Variants in ACSM2A observed in about 807,000 individuals in gnomAD.
The protein encoded by ACSM2A is acyl-CoA synthetase medium chain family member 2A, also known as acyl-coenzyme A synthetase ACSM2A, mitochondrial.
Under a neutral mutation model 76.6 loss-of-function variants are expected in ACSM2A, and 72 were observed. The observed-to-expected ratio is 0.94, with a 90% CI of 0.78 to 1.14. ACSM2A has a LOEUF of 1.14. Ranked by LOEUF, ACSM2A falls within the 50% of genes most tolerant of loss-of-function variation. The pLI is 0.00. For synonymous variants in ACSM2A, 249 were observed against 255.9 expected, an observed-to-expected ratio of 0.97 and a Z score of 0.26; for missense variants, 684 against 708.5, an observed-to-expected ratio of 0.97 and a Z score of 0.39.
chr16:20,486,838 T>C lies in ACSM2A; in HGVS notation c.*160T>C. 2 of 855,950 alleles carry C rather than the reference T, an allele frequency of 2.3e-6. No homozygotes were observed. Among genetic ancestry groups the C allele is most frequent in the South Asian group, 1.8e-5 (1 of 54,492 alleles). The allele number at this position is 855,950 out of a possible 1,614,324, so 53.0% of individuals were successfully genotyped here. A position where few individuals can be genotyped will look rare whatever the true frequency, so the allele number is the denominator to read the frequency against. On this transcript the variant is annotated 3_prime_UTR_variant, in exon 14 of 14. Coordinates refer to ENST00000573854, the MANE Select transcript of ACSM2A (RefSeq NM_001308172.2). Reference sequence around the variant, plus strand: ...TAGCACAAAACTTTACCATGTTAGATGTTGAAAGAAGAAAGGGAAGGAATG... The same window carrying C: ...TAGCACAAAACTTTACCATGTTAGACGTTGAAAGAAGAAAGGGAAGGAATG...
intron 3 of ACSM2A, among the ~76,000 whole-genome samples, chr16:20,467,980 A>G (rs2013117093): frequency 6.6e-6 from 1 of 151,764 alleles, no homozygotes; most frequent in African/African-American, 2.4e-5. Context: ...TTCTGGGGAC[A>G]ATGGGCTGAG....
intron 1 of ACSM2A, among the ~76,000 whole-genome samples, chr16:20,459,109 G>A (rs1215136204): frequency 1.3e-5 from 2 of 151,508 alleles, no homozygotes; most frequent in African/African-American, 4.8e-5. Flanking sequence ...TTGGTGCAAA[G>A]GCATGAGAAT....
At chr16:20,471,822 A>G (rs1310823642) in intron 6 of ACSM2A, 133 bp downstream of exon 6, 25 of 1,461,852 alleles carry the variant, frequency 1.7e-5, no homozygotes, top group Non-Finnish European at 2.2e-5. Context: ...TGTTCAGTAA[A>G]CGAGATGGAA....
At chr16:20,458,462 T>C (rs1013614888) in intron 1 of ACSM2A, among the ~76,000 whole-genome samples, 7 of 145,866 alleles carry the variant, frequency 4.8e-5, no homozygotes, top group Non-Finnish European at 1.0e-4. Context: ...TAATATAATA[T>C]ATGGATATAG....
chr16:20,468,699 G>T (rs1567364376), intron 3 of ACSM2A, among the ~76,000 whole-genome samples: 1 of 152,116 alleles, frequency 6.6e-6, no homozygotes, highest in South Asian at 2.1e-4. Context: ...AATAATCAAA[G>T]GAGTCTCATT....
intron 3 of ACSM2A, among the ~76,000 whole-genome samples, chr16:20,466,703 G>A (rs2013020148): frequency 6.6e-6 from 1 of 152,232 alleles, no homozygotes; most frequent in South Asian, 2.1e-4. Context: ...AACTAGTTGA[G>A]TTAGTTTCTT....
At chr16:20,475,903 G>C (rs2013712507) in intron 8 of ACSM2A, 130 bp downstream of exon 8, 1 of 1,529,480 alleles carries the variant, frequency 6.5e-7, no homozygotes, top group Admixed American at 2.1e-5. Context: ...CCTCTATGAA[G>C]GGACAGGTAC....
rs188818695 is a variant in ACSM2A at position 20,469,462 on chromosome 16, G to A, written c.389-50G>A. 5.2e-5 allele frequency: 83 copies of A among 1,608,332 alleles called. No individual in the cohort carries two copies. The East Asian group carries it at 1.7e-3, about 33-fold the overall frequency. On this transcript the variant is annotated intron_variant, in intron 3 of 13. Transcript: ENST00000573854. ...TGATGTTTATCTCAGGCTTCTCTAG[G>A]GACAAAGAAAATCATCCTTTCCAAT...
chr16:20,459,569 A>T (rs1345223043), intron 1 of ACSM2A, among the ~76,000 whole-genome samples: 1 of 152,176 alleles, frequency 6.6e-6, no homozygotes, highest in Non-Finnish European at 1.5e-5. Flanking sequence ...GTACAGCATG[A>T]TCTGGGTTAT....
At chr16:20,484,970 T>G (rs2014308453) in intron 13 of ACSM2A, among the ~76,000 whole-genome samples, 1 of 152,082 alleles carries the variant, frequency 6.6e-6, no homozygotes, top group African/African-American at 2.4e-5. Context: ...CATAGCACAG[T>G]CTCAGGAATC....
At chr16:20,459,437 C>G (rs1214511320) in intron 1 of ACSM2A, among the ~76,000 whole-genome samples, 1 of 152,124 alleles carries the variant, frequency 6.6e-6, no homozygotes, top group Non-Finnish European at 1.5e-5. Flanking sequence ...TAACAAACAC[C>G]CTATACATCT....
At position 20,480,717 on chromosome 16, in the gene ACSM2A, G is replaced by C. The variant is rs767279856; in HGVS notation, c.1409+17G>C. 1.2e-6 allele frequency: 2 copies of C among 1,602,324 alleles called. No homozygotes were observed. Among genetic ancestry groups the C allele is most frequent in the South Asian group, 1.1e-5 (1 of 89,150 alleles). On this transcript the variant is annotated intron_variant, in intron 11 of 13. Transcript: ENST00000573854. ...CTCCAGCGGGTGAGCTTGGTTTCTG[G>C]GTTGGGAAGGGAAATCTGGGTCTTT...
chr16:20,486,548 C>T lies in ACSM2A; in HGVS notation c.1630-26C>T, dbSNP rs372032322. 33 of 1,612,732 alleles carry T rather than the reference C, an allele frequency of 2.0e-5. No individual in the cohort carries two copies. In the African/African-American group the frequency reaches 3.6e-4, roughly 18 times the overall value. ...ACCCACTGTCGTCACAGATCACCCA[C>T]CCTGGACTGATTTGTTTTTCAACAG... On this transcript the variant is annotated intron_variant, in intron 13 of 13. Coordinates refer to ENST00000573854, the MANE Select transcript of ACSM2A (RefSeq NM_001308172.2).
At chr16:20,451,716 C>T (rs2011759868) in intron 1 of ACSM2A, 35 bp downstream of exon 1, 1 of 151,276 alleles carries the variant, frequency 6.6e-6, no homozygotes, top group Non-Finnish European at 1.5e-5. Context: ...CTGATGGGGT[C>T]ATAATCCATG....
intron 13 of ACSM2A, among the ~76,000 whole-genome samples, chr16:20,483,559 G>C (rs2014219518): frequency 1.1e-5 from 1 of 92,408 alleles, no homozygotes. Flanking sequence ...GACAGAGTGA[G>C]ACTCTGTCTC....
intron 12 of ACSM2A, chr16:20,482,775 C>A (rs1345319402): frequency 3.5e-5 from 9 of 256,958 alleles, no homozygotes; most frequent in Non-Finnish European, 5.2e-5. Context: ...TTTCTCTTTT[C>A]TCCCCCTGTA....
intron 2 of ACSM2A, among the ~76,000 whole-genome samples, chr16:20,464,420 G>A (rs920984417): frequency 2.0e-5 from 3 of 152,162 alleles, no homozygotes; most frequent in African/African-American, 7.2e-5. Flanking sequence ...TATAGGAAGT[G>A]TGGTGCTGGC....
In ACSM2A at chr16:20,460,432, T is replaced by C. The variant is rs1161658000; in HGVS notation, c.177+141T>C. On this transcript the variant is annotated intron_variant, in intron 2 of 13. Transcript: ENST00000573854. ...CTATGGACAAGACACTCGTCTTCCA[T>C]GAAGGCAGTATGGTATGGGAGAGAG... is the stretch of plus-strand genomic sequence containing the variant. The C allele has an allele frequency of 4.1e-6, 6 of 1,474,820 alleles. No homozygotes were observed. In the South Asian group the frequency reaches 5.6e-5, roughly 14 times the overall value. 91.4% of individuals were successfully genotyped at this position (1,474,820 alleles called of 1,614,324 possible).
In ACSM2A at chr16:20,465,505, C is replaced by G; in HGVS notation, c.178-12C>G. The G allele has an allele frequency of 6.2e-7, 1 of 1,613,698 alleles. No homozygotes were observed. The highest frequency in any genetic ancestry group is 1.1e-5 in the South Asian group (1 of 91,042). On this transcript the variant is annotated splice_polypyrimidine_tract_variant and intron_variant, in intron 2 of 13. Coordinates refer to ENST00000573854, the MANE Select transcript of ACSM2A (RefSeq NM_001308172.2). ...CAATGCCCCCTGATCAACAGGGCTT[C>G]TCTTTCCTCAGGCTGGCAAGCGACT...
Sources: gnomAD v4.1 joint callset for allele counts (sites outside exome capture counted in the v4.1 genomes callset) on GRCh38, gnomAD v4.1.1 for gene constraint, MANE v1.5 for transcripts, NCBI Gene and HGNC (gene_info 2026-07-23, HGNC 2026-07-21) for gene names.